RNF170: variants seen among roughly 807,000 people sequenced by gnomAD.
RNF170 encodes the protein E3 ubiquitin-protein ligase RNF170.
RNF170 carries 12 observed loss-of-function variants against 32.7 expected under a neutral mutation model. The ratio of observed to expected loss-of-function variants is 0.37; its 90% CI spans 0.24 to 0.60. RNF170 has a LOEUF of 0.60. Ranked by LOEUF, RNF170 falls within the 20% of genes least tolerant of loss-of-function variation. RNF170 has a pLI of 0.72. For missense variants in RNF170, 212 were observed against 311.2 expected (o/e 0.68, Z 2.40); for synonymous variants, 91 against 103.6 (o/e 0.88, Z 0.74).
chr8:42,894,940 G>GT (rs76011717), intron 1 of RNF170, among the ~76,000 whole-genome samples: 3,869 of 145,332 alleles, frequency 0.027, 53 homozygotes, highest in Middle Eastern at 0.06. Flanking sequence ...CTTCAGGTAA[G>GT]TTTTTTTTTT....
intron 1 of RNF170, among the ~76,000 whole-genome samples, chr8:42,895,651 G>A (rs1356326374): frequency 6.6e-6 from 1 of 152,172 alleles, no homozygotes; most frequent in Non-Finnish European, 1.5e-5. Context: ...GAGTAGAATG[G>A]ATTCACTGTT....
At chr8:42,877,125 A>C (rs1019833322) in intron 2 of RNF170, among the ~76,000 whole-genome samples, 2 of 149,552 alleles carry the variant, frequency 1.3e-5, no homozygotes, top group Non-Finnish European at 3.0e-5. Flanking sequence ...ACGGGGTTTC[A>C]CTGTGTTAGC....
chr8:42,893,270 T>C (rs1387683054), intron 1 of RNF170, among the ~76,000 whole-genome samples: 2 of 152,096 alleles, frequency 1.3e-5, no homozygotes, highest in East Asian at 1.9e-4. Context: ...TCCTGTAAAA[T>C]ATGAAAAGAA....
intron 2 of RNF170, among the ~76,000 whole-genome samples, chr8:42,874,358 G>C (rs2128938223): frequency 6.6e-6 from 1 of 152,302 alleles, no homozygotes; most frequent in African/African-American, 2.4e-5. Context: ...TTATGCATTT[G>C]AACGCTTTTC....
At chr8:42,859,342 G>C (rs765501172) in intron 6 of RNF170, among the ~76,000 whole-genome samples, 11 of 151,852 alleles carry the variant, frequency 7.2e-5, no homozygotes, top group Non-Finnish European at 1.5e-4. Context: ...GTGATTGAAA[G>C]AAGTGGACAC....
chr8:42,881,176 C>G (rs895082648), intron 2 of RNF170: 1 of 151,976 alleles, frequency 6.6e-6, no homozygotes, highest in African/African-American at 2.4e-5. Context: ...AGTAAACAAC[C>G]CGATTCAAAA....
chr8:42,896,238 C>T (rs929593033), intron 1 of RNF170: 3 of 323,902 alleles, frequency 9.3e-6, no homozygotes, highest in South Asian at 2.3e-5. Context: ...GGTGTCCTCG[C>T]CGCCGCCAAA....
At chr8:42,856,472 G>T in intron 6 of RNF170, 44 bp from the exon 7 acceptor site, 2 of 1,345,926 alleles carry the variant, frequency 1.5e-6, no homozygotes, top group Non-Finnish European at 2.1e-6. Context: ...CACCTAATGT[G>T]TCAGATTTCA....
intron 1 of RNF170, among the ~76,000 whole-genome samples, chr8:42,893,846 G>C (rs1371391868): frequency 6.6e-6 from 1 of 152,190 alleles, no homozygotes; most frequent in Non-Finnish European, 1.5e-5. Context: ...GCAATCTGGA[G>C]CACTGTCACA....
rs1326561231 is a variant in RNF170 at position 42,854,067 on chromosome 8, T to A, written c.*2092A>T. The A allele has an allele frequency of 7.8e-7, 1 of 1,287,218 alleles. No individual in the cohort carries two copies. Among genetic ancestry groups the A allele is most frequent in the South Asian group, 1.2e-5 (1 of 80,936 alleles). The allele number at this position is 1,287,218 out of a possible 1,614,324, so 79.7% of individuals were successfully genotyped here. On this transcript the variant is annotated 3_prime_UTR_variant, in exon 7 of 7. Transcript: ENST00000527424. ...GGTACATGGCAGTGTGACAAACTCC[T>A]ACTCACTCGCTTTTCAAGTTGGTGA...
At chr8:42,882,928 C>T (rs151113325) in intron 2 of RNF170, among the ~76,000 whole-genome samples, 35 of 151,952 alleles carry the variant, frequency 2.3e-4, no homozygotes, top group Non-Finnish European at 4.1e-4. Context: ...CTGGCCATGG[C>T]GGTGTGTGCC....
chr8:42,856,563 A>G, intron 6 of RNF170, 135 bp from the exon 7 acceptor site: 1 of 657,670 alleles, frequency 1.5e-6, no homozygotes, highest in Non-Finnish European at 2.6e-6. Context: ...ATATTTTCTA[A>G]TTATGTGTTG....
chr8:42,851,187 G>T (rs913820769), downstream of RNF170, among the ~76,000 whole-genome samples: 1 of 152,146 alleles, frequency 6.6e-6, no homozygotes, highest in African/African-American at 2.4e-5. Flanking sequence ...TTGGACTGCG[G>T]TGGTGGCAGA....
chr8:42,871,665 G>A (rs976124524), intron 3 of RNF170, among the ~76,000 whole-genome samples: 7 of 151,752 alleles, frequency 4.6e-5, no homozygotes, highest in African/African-American at 1.7e-4. Context: ...TCTGCCTCCT[G>A]GGTTCAAGTG....
At chr8:42,865,194 C>A (rs1361268817) in intron 5 of RNF170, among the ~76,000 whole-genome samples, 1 of 151,506 alleles carries the variant, frequency 6.6e-6, no homozygotes, top group Non-Finnish European at 1.5e-5. Context: ...GAGGTCGAGG[C>A]TGCAGGAAGC....
intron 2 of RNF170, among the ~76,000 whole-genome samples, chr8:42,877,907 T>C (rs1234247232): frequency 2.6e-5 from 4 of 152,256 alleles, no homozygotes; most frequent in Non-Finnish European, 5.9e-5. Context: ...TTTCACTTTA[T>C]TGCACTTAGC....
chr8:42,856,296 T>G lies in RNF170; in HGVS notation c.640A>C (p.Ile214Leu), dbSNP rs587780441. ...TCAGGTACAAAATCTAGAGGTGATA[T>G]AAGATAGAAAAAAGCTCCCATTAAA... is the stretch of plus-strand genomic sequence containing the variant. ...LCLMGAFFYLISPLDFVPEAL... is the reference protein window; with the variant it reads ...LCLMGAFFYLLSPLDFVPEAL... Residue 214 changes from isoleucine (I) to leucine (L), a missense_variant, in exon 7 of 7, where the codon ATA becomes CTA. Transcript: ENST00000527424. 6.3e-7 allele frequency: 1 copy of G among 1,586,676 alleles called. No individual in the cohort carries two copies. The highest frequency in any genetic ancestry group is 8.5e-7 in the Non-Finnish European group (1 of 1,172,070).
intron 6 of RNF170, among the ~76,000 whole-genome samples, chr8:42,861,067 GA>G (rs1803620694): frequency 6.6e-6 from 1 of 152,194 alleles, no homozygotes; most frequent in Non-Finnish European, 1.5e-5. Context: ...AGGGCAAATA[GA>G]ATAAACCACA....
At chr8:42,879,194 A>G (rs990457958) in intron 2 of RNF170, among the ~76,000 whole-genome samples, 10 of 152,196 alleles carry the variant, frequency 6.6e-5, no homozygotes, top group Non-Finnish European at 1.3e-4. Context: ...TTAACACAGC[A>G]TCCATTCCAC....
Sources: gnomAD v4.1 joint callset for allele counts (sites outside exome capture counted in the v4.1 genomes callset) on GRCh38, gnomAD v4.1.1 for gene constraint, MANE v1.5 for transcripts, NCBI Gene and HGNC (gene_info 2026-07-23, HGNC 2026-07-21) for gene names.